The following DRC3 variants were observed in gnomAD, a reference collection of about 807,000 sequenced individuals.
The protein encoded by DRC3 is leucine rich repeat containing 48.
A neutral mutation model predicts 57.6 loss-of-function variants in DRC3; 45 were observed. That is an observed-to-expected ratio of 0.78 (90% CI 0.62 to 1.00). The LOEUF (loss-of-function observed/expected upper bound fraction) is 1.00, where lower values mean the gene tolerates loss of function less well. DRC3 is among the 50% of genes least tolerant of loss of function. DRC3 has a pLI of 0.00. For missense variants in DRC3, 655 were observed against 675.2 expected (o/e 0.97, Z 0.33); for synonymous variants, 257 against 272.3 (o/e 0.94, Z 0.55).
intron 12 of DRC3, chr17:18,011,479 C>T: frequency 5.1e-6 from 1 of 194,982 alleles, no homozygotes; most frequent in South Asian, 6.9e-5. Context: ...TTGCAAGCCC[C>T]ACACTGTCCC....
chr17:18,006,025 G>A (rs530594598), intron 10 of DRC3, 158 bp from the exon 11 acceptor site: 1 of 632,650 alleles, frequency 1.6e-6, no homozygotes, highest in Non-Finnish European at 2.9e-6. Context: ...GAGCAGAGGG[G>A]TCAGTTCACA....
rs774942430 is a variant in DRC3, at chr17:18,004,480, G to A, written c.1117G>A (p.Val373Met). ...GCTCATGACGCTGGAGATGCAGCTGGTGGAGCAGCTGGAGGTAAGGCTGGG... is the reference window on the plus strand; with the variant it reads ...GCTCATGACGCTGGAGATGCAGCTGATGGAGCAGCTGGAGGTAAGGCTGGG... The part of the protein sequence containing the change: ...DALMTLEMQL[V>M]EQLEETINMF... Residue 373 changes from valine to methionine, a missense_variant, in exon 10 of 14, where the codon GTG becomes ATG. Coordinates refer to ENST00000399187, the MANE Select transcript of DRC3 (RefSeq NM_031294.4). 6 of 1,611,074 alleles carry A rather than the reference G, an allele frequency of 3.7e-6. No homozygotes were observed. The highest frequency in any genetic ancestry group is 5.1e-6 in the Non-Finnish European group (6 of 1,178,820).
rs536193055 is a variant in DRC3, at chr17:17,988,013, G to A, written c.359G>A (p.Arg120Gln). The A allele has an allele frequency of 2.3e-5, 37 of 1,613,966 alleles. No individual in the cohort carries two copies. Among genetic ancestry groups the A allele is most frequent in the South Asian group, 1.5e-4 (14 of 91,086 alleles). The change falls in exon 5 of 14, where the codon CGG (arginine) becomes CAG (glutamine). Residue 120 changes from arginine to glutamine, a missense_variant. Transcript: ENST00000399187. ...GAGGACCTGAGCTTGTTCAACAACC[G>A]GATCTCCAAGATCGACTCCCTGGAC... is the stretch of plus-strand genomic sequence containing the variant. The part of the protein sequence containing the change: ...NLEDLSLFNN[R>Q]ISKIDSLDAL...
intron 5 of DRC3, among the ~76,000 whole-genome samples, chr17:17,989,017 T>C (rs535920242): frequency 6.6e-6 from 1 of 152,278 alleles, no homozygotes; most frequent in South Asian, 2.1e-4. Context: ...AGTGGGATCA[T>C]GAATGTAACG....
intron 12 of DRC3, chr17:18,007,617 C>G: frequency 1.9e-5 from 27 of 1,417,664 alleles, no homozygotes; most frequent in Non-Finnish European, 2.4e-5. Context: ...ACAAAATCAG[C>G]AGGGTCGGCC....
At chr17:17,984,033 G>A (rs569404345) in intron 4 of DRC3, 89 bp downstream of exon 4, 346 of 793,728 alleles carry the variant, frequency 4.4e-4, no homozygotes, top group Non-Finnish European at 5.9e-4. Context: ...AATTGTGTGC[G>A]ACACTCAGCT....
intron 9 of DRC3, among the ~76,000 whole-genome samples, chr17:17,998,648 G>A (rs1325890909): frequency 6.6e-6 from 1 of 152,120 alleles, no homozygotes; most frequent in Non-Finnish European, 1.5e-5. Flanking sequence ...ATCTGATGGA[G>A]TTGGTGATCC....
intron 3 of DRC3, 138 bp downstream of exon 3, chr17:17,977,896 A>G: frequency 1.3e-6 from 1 of 775,108 alleles, no homozygotes; most frequent in African/African-American, 1.8e-5. Flanking sequence ...CCTGGGTTAC[A>G]AGGCATAGGA....
chr17:18,004,875 G>T (rs996623959), intron 10 of DRC3: 8 of 194,356 alleles, frequency 4.1e-5, no homozygotes, highest in South Asian at 3.4e-4. Context: ...CTCAGGTGAC[G>T]TGAGGAGGCT....
chr17:17,998,846 T>C (rs2043571229), intron 9 of DRC3, among the ~76,000 whole-genome samples: 1 of 152,228 alleles, frequency 6.6e-6, no homozygotes, highest in African/African-American at 2.4e-5. Context: ...CACATATGTG[T>C]TTTATGTGGC....
chr17:18,007,161 G>GCGGGCCCCGGC lies in DRC3; in HGVS notation c.1326+15_1326+16insGGGCCCCGGCC. ...GACCTGCGCGCGGTAGGCGGGGCGG[G>GCGGGCCCCGGC]CTGCTCGGAGCCTGACAGATGTGGT... On this transcript the variant is annotated intron_variant, in intron 12 of 13. Coordinates refer to ENST00000399187, the MANE Select transcript of DRC3 (RefSeq NM_031294.4). 1 of 1,059,878 alleles carries GCGGGCCCCGGC rather than the reference G, an allele frequency of 9.4e-7. No homozygotes were observed. Among genetic ancestry groups the GCGGGCCCCGGC allele is most frequent in the Non-Finnish European group, 1.3e-6 (1 of 748,770 alleles). 65.7% of individuals were successfully genotyped at this position (1,059,878 alleles called of 1,614,324 possible). A position where few individuals can be genotyped will look rare whatever the true frequency, so the allele number is the denominator to read the frequency against.
At chr17:18,014,216 C>T (rs2044274642) in intron 12 of DRC3, among the ~76,000 whole-genome samples, 1 of 152,170 alleles carries the variant, frequency 6.6e-6, no homozygotes, top group Admixed American at 6.5e-5. Flanking sequence ...CATGTGACAC[C>T]GTGCCCGGCC....
chr17:17,995,141 AGCCTCTGCCACCAGCCTGCCTTGGCAAG>A (rs772135861), intron 8 of DRC3, 30 bp downstream of exon 8: 6 of 1,538,414 alleles, frequency 3.9e-6, no homozygotes, highest in Non-Finnish European at 5.4e-6. Context: ...GCTGTCTCAG[AGCCTCTGCCACCAGCCTGCCTTGGCAAG>A]GCCCCTTCCG....
intron 12 of DRC3, chr17:18,011,881 G>C (rs1200035567): frequency 6.5e-6 from 1 of 153,938 alleles, no homozygotes; most frequent in Non-Finnish European, 1.5e-5. Context: ...GGAGTGCAGT[G>C]GTGCAGTCCT....
chr17:17,981,089 C>T (rs1258992030), intron 3 of DRC3: 1 of 157,652 alleles, frequency 6.3e-6, no homozygotes, highest in Non-Finnish European at 1.4e-5. Context: ...ATCTGTCGCA[C>T]CTCACTTTAC....
chr17:18,010,915 C>T (rs2044143522), intron 12 of DRC3: 1 of 272,764 alleles, frequency 3.7e-6, no homozygotes, highest in Non-Finnish European at 7.3e-6. Flanking sequence ...TGACTTTTTC[C>T]TGGGGGCCTC....
intron 9 of DRC3, among the ~76,000 whole-genome samples, chr17:18,000,078 G>C (rs1036940486): frequency 5.0e-3 from 351 of 70,552 alleles, no homozygotes; most frequent in Middle Eastern, 0.04. Context: ...CTTTGCTTTC[G>C]TGTGTGTGTG....
At chr17:17,986,645 T>G (rs2042972578) in intron 4 of DRC3, among the ~76,000 whole-genome samples, 1 of 152,016 alleles carries the variant, frequency 6.6e-6, no homozygotes, top group African/African-American at 2.4e-5. Context: ...GTATTTTTAG[T>G]AGAGACAGGG....
chr17:17,992,295 A>T (rs1018950773), intron 5 of DRC3, among the ~76,000 whole-genome samples: 1 of 152,236 alleles, frequency 6.6e-6, no homozygotes, highest in Non-Finnish European at 1.5e-5. Context: ...ATTAAGTTAA[A>T]TTTAAAAGAT....
Sources: gnomAD v4.1 joint callset for allele counts (sites outside exome capture counted in the v4.1 genomes callset) on GRCh38, gnomAD v4.1.1 for gene constraint, MANE v1.5 for transcripts, NCBI Gene and HGNC (gene_info 2026-07-23, HGNC 2026-07-21) for gene names.